KIF26B: variants seen among roughly 807,000 people sequenced by gnomAD.
The protein encoded by KIF26B is kinesin family member 26B.
A neutral mutation model predicts 151.2 loss-of-function variants in KIF26B; 63 were observed. The observed-to-expected ratio is 0.42, with a 90% CI of 0.34 to 0.51. The LOEUF (loss-of-function observed/expected upper bound fraction) is 0.51, where lower values mean the gene tolerates loss of function less well. Among genes scored for constraint, KIF26B ranks in the 20% least tolerant of loss-of-function variants. KIF26B has a pLI of 0.07. For missense variants in KIF26B, 2,813 were observed against 2,913.6 expected (o/e 0.97, Z 0.79); for synonymous variants, 1,357 against 1,262.1 (o/e 1.08, Z -1.59).
chr1:245,477,816 G>T (rs1660073985), intron 4 of KIF26B, among the ~76,000 whole-genome samples: 1 of 151,796 alleles, frequency 6.6e-6, no homozygotes, highest in African/African-American at 2.4e-5. Context: ...ATAGGGCCTA[G>T]GAGGCCATTG....
chr1:245,484,717 C>T (rs10924213), intron 4 of KIF26B, among the ~76,000 whole-genome samples: 1 of 135,992 alleles, frequency 7.4e-6, no homozygotes, highest in East Asian at 2.1e-4. Context: ...CTTCTTCTTT[C>T]TTCTTTCCTC....
chr1:245,465,054 C>A (rs1659751700), intron 4 of KIF26B, among the ~76,000 whole-genome samples: 2 of 144,824 alleles, frequency 1.4e-5, no homozygotes, highest in African/African-American at 5.1e-5. Flanking sequence ...TCTCGGCTCA[C>A]TGCAAGCTCC....
At chr1:245,226,937 C>T (rs183874828) in intron 2 of KIF26B, among the ~76,000 whole-genome samples, 12 of 152,316 alleles carry the variant, frequency 7.9e-5, no homozygotes, top group African/African-American at 2.9e-4. Flanking sequence ...TTCCACTTTT[C>T]TTCAGGCACC....
intron 10 of KIF26B, among the ~76,000 whole-genome samples, chr1:245,681,903 T>A (rs2044444453): frequency 6.6e-6 from 1 of 152,232 alleles, no homozygotes; most frequent in African/African-American, 2.4e-5. Context: ...ACTTTTGTCA[T>A]CAGAGGTTCA....
chr1:245,610,033 T>C (rs766752273), intron 8 of KIF26B, among the ~76,000 whole-genome samples: 46 of 152,204 alleles, frequency 3.0e-4, no homozygotes, highest in African/African-American at 7.2e-5. Context: ...CAGTTCACCA[T>C]TTCAGGATGC....
chr1:245,303,197 C>CT (rs757473264), intron 2 of KIF26B, among the ~76,000 whole-genome samples: 4,312 of 102,562 alleles, frequency 0.042, 273 homozygotes, highest in African/African-American at 0.08. Flanking sequence ...ACTAAATGTT[C>CT]TTTTTTTTTT....
chr1:245,545,452 C>T (rs1016765582), intron 5 of KIF26B, among the ~76,000 whole-genome samples: 5 of 152,106 alleles, frequency 3.3e-5, no homozygotes, highest in African/African-American at 1.2e-4. Flanking sequence ...CTGTGCTGAG[C>T]GGTAGGCTTA....
At chr1:245,691,535 A>G (rs2044626723) in intron 12 of KIF26B, among the ~76,000 whole-genome samples, 1 of 152,198 alleles carries the variant, frequency 6.6e-6, no homozygotes. Context: ...ATTATTATTA[A>G]GAGAAACGGT....
chr1:245,626,834 T>A (rs984968858), intron 9 of KIF26B, among the ~76,000 whole-genome samples: 4 of 152,250 alleles, frequency 2.6e-5, no homozygotes, highest in Admixed American at 6.5e-5. Flanking sequence ...ATTTCCCCTA[T>A]GTTTTCATCT....
At chr1:245,577,869 C>T (rs12239146) in intron 5 of KIF26B, among the ~76,000 whole-genome samples, 100 of 134,136 alleles carry the variant, frequency 7.5e-4, no homozygotes, top group Middle Eastern at 8.0e-3. Context: ...GCGATGCATC[C>T]CCTCACCGGA....
intron 3 of KIF26B, among the ~76,000 whole-genome samples, chr1:245,390,287 G>A (rs1673655089): frequency 6.6e-6 from 1 of 151,482 alleles, no homozygotes; most frequent in South Asian, 2.1e-4. Context: ...GTGCAGTCTC[G>A]GCTCACTGCA....
chr1:245,450,655 G>A (rs996611354), intron 4 of KIF26B, among the ~76,000 whole-genome samples: 3 of 152,168 alleles, frequency 2.0e-5, no homozygotes, highest in African/African-American at 7.2e-5. Context: ...GTGATGTTGC[G>A]CCTCTTGGGT....
chr1:245,236,854 A>G (rs1670119627), intron 2 of KIF26B, among the ~76,000 whole-genome samples: 1 of 152,252 alleles, frequency 6.6e-6, no homozygotes. Flanking sequence ...GGTGGCATGC[A>G]GTAGGTGCCT....
At chr1:245,376,624 A>G (rs943195485) in intron 3 of KIF26B, among the ~76,000 whole-genome samples, 1 of 152,306 alleles carries the variant, frequency 6.6e-6, no homozygotes, top group South Asian at 2.1e-4. Flanking sequence ...GCTGAGAGAC[A>G]GGTGTTTGTT....
chr1:245,540,437 C>A lies in KIF26B; in HGVS notation c.1167-330C>A. 1 of 529,228 alleles carries A rather than the reference C, an allele frequency of 1.9e-6. No individual in the cohort carries two copies. 32.8% of individuals were successfully genotyped at this position (529,228 alleles called of 1,614,324 possible). ...GCCAGAGAAGTTGTGGAGTGATGAA[C>A]TTAATGGGTGCCCTTATCCCCAAAG... On this transcript the variant is annotated intron_variant, in intron 4 of 14. Transcript: ENST00000407071. This position sits in a 1 kb window ranked among gnomAD's most constrained non-coding sequence, Gnocchi z 4.6.
intron 4 of KIF26B, among the ~76,000 whole-genome samples, chr1:245,537,245 C>A (rs1379534237): frequency 1.3e-5 from 2 of 152,082 alleles, no homozygotes; most frequent in Non-Finnish European, 2.9e-5. Context: ...GTGCAAAGGC[C>A]CTGAGATGGG....
chr1:245,350,754 C>A (rs1437492573), intron 2 of KIF26B, among the ~76,000 whole-genome samples: 2 of 152,160 alleles, frequency 1.3e-5, no homozygotes, highest in African/African-American at 4.8e-5. Flanking sequence ...GGAGGAACCA[C>A]CAGACCTGCC....
chr1:245,465,979 T>A (rs537753135), intron 4 of KIF26B, among the ~76,000 whole-genome samples: 49 of 152,032 alleles, frequency 3.2e-4, no homozygotes, highest in Non-Finnish European at 6.9e-4. Flanking sequence ...CAGAGCAGAG[T>A]AGAGAGATTG....
intron 2 of KIF26B, among the ~76,000 whole-genome samples, chr1:245,190,643 T>TTG (rs1553333019): frequency 2.7e-5 from 4 of 150,506 alleles, no homozygotes; most frequent in African/African-American, 9.9e-5. Flanking sequence ...TGTTTTGTTT[T>TTG]TTTTTTTTTT....
Sources: allele counts gnomAD v4.1 joint callset (sites outside exome capture counted in the v4.1 genomes callset), GRCh38; gene constraint gnomAD v4.1.1; non-coding constraint Gnocchi (gnomAD v3.1); transcripts MANE v1.5; gene names NCBI Gene and HGNC (gene_info 2026-07-23, HGNC 2026-07-21).